BBX: variants seen among roughly 807,000 people sequenced by gnomAD.
BBX encodes the protein HMG box transcription factor BBX.
In BBX, 30 loss-of-function variants were observed where a neutral mutation model predicts 100.2. That is an observed-to-expected ratio of 0.30 (90% CI 0.22 to 0.41). The LOEUF is 0.41. Among genes scored for constraint, BBX ranks in the 10% least tolerant of loss-of-function variants. The pLI is 1.00. For synonymous variants in BBX, 376 were observed against 388.1 expected (o/e 0.97, Z 0.37); for missense variants, 1,023 against 1,129.8 (o/e 0.91, Z 1.35).
intron 10 of BBX, among the ~76,000 whole-genome samples, chr3:107,766,998 A>T (rs1298260650): frequency 6.6e-6 from 1 of 152,238 alleles, no homozygotes; most frequent in East Asian, 1.9e-4. Flanking sequence ...TGGGAATTGA[A>T]CAATGAGAAC....
At chr3:107,690,362 T>A (rs2060084168) in intron 3 of BBX, among the ~76,000 whole-genome samples, 1 of 152,150 alleles carries the variant, frequency 6.6e-6, no homozygotes, top group African/African-American at 2.4e-5. Flanking sequence ...CATAATGCCA[T>A]TGTGTAAATA....
intron 5 of BBX, among the ~76,000 whole-genome samples, chr3:107,723,594 T>C (rs567257883): frequency 2.0e-5 from 3 of 152,184 alleles, no homozygotes; most frequent in Non-Finnish European, 2.9e-5. Flanking sequence ...CGGTGTGTGA[T>C]GTTCCCCTTC....
At chr3:107,752,662 A>C (rs1002129515) in intron 9 of BBX, among the ~76,000 whole-genome samples, 1 of 152,130 alleles carries the variant, frequency 6.6e-6, no homozygotes, top group Non-Finnish European at 1.5e-5. Context: ...TGTTGCACCC[A>C]CCCTGTAGCT....
intron 3 of BBX, among the ~76,000 whole-genome samples, chr3:107,667,869 T>G (rs1050181605): frequency 6.6e-6 from 1 of 152,158 alleles, no homozygotes. Flanking sequence ...AATATTCATT[T>G]TGTCTCGTAG....
intron 6 of BBX, among the ~76,000 whole-genome samples, chr3:107,729,223 A>G (rs1016300926): frequency 2.6e-5 from 4 of 152,198 alleles, no homozygotes; most frequent in Admixed American, 1.3e-4. Context: ...AGACAGCAAC[A>G]TGGAGATTGT....
At chr3:107,637,402 G>A (rs940258855) in intron 2 of BBX, among the ~76,000 whole-genome samples, 1 of 152,196 alleles carries the variant, frequency 6.6e-6, no homozygotes, top group African/African-American at 2.4e-5. Context: ...GAAGAGTAGG[G>A]ATGCATTGTA....
intron 14 of BBX, 62 bp from the exon 15 acceptor site, chr3:107,791,178 G>C (rs1056865145): frequency 7.2e-6 from 10 of 1,388,016 alleles, no homozygotes; most frequent in African/African-American, 1.4e-5. Context: ...TGTTTTTGTA[G>C]TATGGGGAAT....
intron 2 of BBX, among the ~76,000 whole-genome samples, chr3:107,599,815 A>G (rs769191381): frequency 3.3e-5 from 5 of 152,192 alleles, no homozygotes; most frequent in African/African-American, 7.2e-5. Flanking sequence ...GAAAACGTCT[A>G]GTCAAATCCA....
intron 2 of BBX, among the ~76,000 whole-genome samples, chr3:107,558,171 C>T (rs968349542): frequency 6.6e-6 from 1 of 152,172 alleles, no homozygotes; most frequent in African/African-American, 2.4e-5. Context: ...GTGTGAATGG[C>T]ACCTTAGAGT....
intron 3 of BBX, among the ~76,000 whole-genome samples, chr3:107,654,010 T>C (rs16853732): frequency 0.068 from 10,341 of 152,208 alleles, 1,168 homozygotes; most frequent in African/African-American, 0.23. Context: ...ATGCCTTCAA[T>C]AGAGTTTTTG....
chr3:107,586,339 A>G lies in BBX; in HGVS notation c.-83-59497A>G, dbSNP rs185808379. ...TTGTACATACGTATTCTGGTACTAC[A>G]ACTATATATTCATTTCTTGAGAGAT... is the stretch of plus-strand genomic sequence containing the variant. On this transcript the variant is annotated intron_variant, in intron 2 of 17. Coordinates refer to ENST00000325805, the MANE Select transcript of BBX (RefSeq NM_001142568.3). 3.2e-4 allele frequency among the ~76,000 whole-genome samples: 49 copies of G among 152,332 alleles called. 1 individual carries two copies. The East Asian group carries it at 5.4e-3, about 17-fold the overall frequency.
intron 4 of BBX, among the ~76,000 whole-genome samples, chr3:107,714,211 G>A (rs2061940783): frequency 6.6e-6 from 1 of 151,574 alleles, no homozygotes; most frequent in South Asian, 2.1e-4. Context: ...CCTGACCTTA[G>A]GTGATCCGCA....
At chr3:107,756,874 A>T (rs2065518028) in intron 10 of BBX, among the ~76,000 whole-genome samples, 1 of 152,198 alleles carries the variant, frequency 6.6e-6, no homozygotes, top group African/African-American at 2.4e-5. Context: ...CTCCAAACAG[A>T]GCTGAAACAG....
At chr3:107,715,785 T>G (rs1319759123) in intron 4 of BBX, among the ~76,000 whole-genome samples, 1 of 152,222 alleles carries the variant, frequency 6.6e-6, no homozygotes, top group Non-Finnish European at 1.5e-5. Context: ...CCAGATGGAA[T>G]GGACAGATTC....
At chr3:107,652,657 A>G (rs2057908507) in intron 3 of BBX, among the ~76,000 whole-genome samples, 1 of 152,178 alleles carries the variant, frequency 6.6e-6, no homozygotes, top group Middle Eastern at 3.2e-3. Flanking sequence ...CTACTCTGAA[A>G]GGTGTTGGAT....
At chr3:107,761,102 A>G (rs113353691) in intron 10 of BBX, among the ~76,000 whole-genome samples, 6 of 152,110 alleles carry the variant, frequency 3.9e-5, no homozygotes, top group African/African-American at 1.4e-4. Context: ...TCCCTCCTTT[A>G]TACCTGACCG....
rs532751382 is a variant in BBX at position 107,629,672 on chromosome 3, T to C, written c.-83-16164T>C. On this transcript the variant is annotated intron_variant, in intron 2 of 17. Transcript: ENST00000325805. ...TCATGGCATACTTCTGGTTGGAGCT[T>C]AGTGGTCACACAGAAATTTTGCCCT... is the stretch of plus-strand genomic sequence containing the variant. Among the ~76,000 whole-genome samples the C allele has an allele frequency of 2.6e-5, 4 of 152,300 alleles. No individual in the cohort carries two copies. The South Asian group carries it at 8.3e-4, about 32-fold the overall frequency.
chr3:107,625,061 A>G (rs2056070092), intron 2 of BBX, among the ~76,000 whole-genome samples: 1 of 152,146 alleles, frequency 6.6e-6, no homozygotes, highest in Non-Finnish European at 1.5e-5. Context: ...AAATAATTTC[A>G]AAGAGAGTTG....
At chr3:107,614,490 T>C (rs2055100238) in intron 2 of BBX, among the ~76,000 whole-genome samples, 2 of 152,062 alleles carry the variant, frequency 1.3e-5, no homozygotes. Flanking sequence ...AATATACATG[T>C]GACTTATGTA....
Sources: gnomAD v4.1 joint callset for allele counts (sites outside exome capture counted in the v4.1 genomes callset) on GRCh38, gnomAD v4.1.1 for gene constraint, MANE v1.5 for transcripts, NCBI Gene and HGNC (gene_info 2026-07-23, HGNC 2026-07-21) for gene names.